NTM: variants seen among roughly 807,000 people sequenced by gnomAD.
The protein encoded by NTM is IgLON family member 2.
Under a neutral mutation model 42.1 loss-of-function variants are expected in NTM, and 13 were observed. The observed-to-expected ratio is 0.31, with a 90% confidence interval of 0.20 to 0.49. NTM has a LOEUF of 0.49. NTM is among the 20% of genes least tolerant of loss of function. The pLI is 0.99. For synonymous variants in NTM, 187 were observed against 179.2 expected, an observed-to-expected ratio of 1.04 and a Z score of -0.35; for missense variants, 373 against 452.8, an observed-to-expected ratio of 0.82 and a Z score of 1.60.
At chr11:131,807,656 T>C (rs188799448) in intron 1 of NTM, among the ~76,000 whole-genome samples, 361 of 152,272 alleles carry the variant, frequency 2.4e-3, no homozygotes, top group Non-Finnish European at 4.2e-3. Flanking sequence ...ATGGTGGTTG[T>C]TGAAACAAAG....
At chr11:131,520,562 T>C (rs1039542737) in intron 1 of NTM, among the ~76,000 whole-genome samples, 9 of 152,174 alleles carry the variant, frequency 5.9e-5, no homozygotes, top group African/African-American at 2.2e-4. Context: ...TCCTTAGATC[T>C]TGACCCTTTC....
chr11:131,836,450 G>C (rs2043506510), intron 1 of NTM, among the ~76,000 whole-genome samples: 1 of 152,154 alleles, frequency 6.6e-6, no homozygotes, highest in African/African-American at 2.4e-5. Flanking sequence ...ACAGTGCTTG[G>C]AACACTGTAT....
At chr11:132,303,958 T>C (rs2094972149) in intron 4 of NTM, among the ~76,000 whole-genome samples, 1 of 152,142 alleles carries the variant, frequency 6.6e-6, no homozygotes. Flanking sequence ...GATGAAGATA[T>C]GGTGGTACAG....
chr11:131,552,878 A>G (rs2054898962), intron 1 of NTM, among the ~76,000 whole-genome samples: 1 of 152,208 alleles, frequency 6.6e-6, no homozygotes, highest in South Asian at 2.1e-4. Flanking sequence ...CATAGAATGA[A>G]GACAGAGGTT....
intron 4 of NTM, among the ~76,000 whole-genome samples, chr11:132,223,421 C>G (rs3099765): frequency 0.64 from 97,507 of 151,986 alleles, 31,535 homozygotes; most frequent in Middle Eastern, 0.77. Flanking sequence ...TCATAAAAGG[C>G]GGACTGACAT....
chr11:131,375,047 T>G (rs1260416044), intron 1 of NTM, among the ~76,000 whole-genome samples: 2 of 152,324 alleles, frequency 1.3e-5, no homozygotes, highest in Middle Eastern at 3.4e-3. Context: ...GCAGCAGAGA[T>G]CCTACAAATG....
chr11:132,008,663 C>T (rs1240041980), intron 2 of NTM, among the ~76,000 whole-genome samples: 3 of 151,944 alleles, frequency 2.0e-5, no homozygotes, highest in Non-Finnish European at 4.4e-5. Flanking sequence ...CCATTTCCCC[C>T]TGAAAACATG....
intron 1 of NTM, among the ~76,000 whole-genome samples, chr11:131,767,706 AGAAACAAATTTGG>A (rs1210290042): frequency 6.6e-6 from 1 of 152,232 alleles, no homozygotes; most frequent in Non-Finnish European, 1.5e-5. Context: ...CAGAACTGTG[AGAAACAAATTTGG>A]GAAACAAATT....
intron 1 of NTM, among the ~76,000 whole-genome samples, chr11:131,442,180 G>T (rs1464784138): frequency 6.6e-6 from 1 of 152,188 alleles, no homozygotes; most frequent in Non-Finnish European, 1.5e-5. Context: ...ATGACATGTG[G>T]CATGGGAACC....
chr11:131,873,492 A>G (rs1271809371), intron 1 of NTM, among the ~76,000 whole-genome samples: 5 of 150,658 alleles, frequency 3.3e-5, no homozygotes, highest in Non-Finnish European at 7.4e-5. Flanking sequence ...GCAAACCTGC[A>G]CGTTCTGCAC....
intron 1 of NTM, among the ~76,000 whole-genome samples, chr11:131,816,477 A>G (rs2092955134): frequency 6.6e-6 from 1 of 152,046 alleles, no homozygotes; most frequent in East Asian, 1.9e-4. Flanking sequence ...CTTTGTTAAT[A>G]GAGATTACAG....
At chr11:131,658,610 T>C (rs1193265615) in intron 1 of NTM, among the ~76,000 whole-genome samples, 1 of 152,222 alleles carries the variant, frequency 6.6e-6, no homozygotes, top group Non-Finnish European at 1.5e-5. Context: ...TAGAGGTTCC[T>C]GGTCTGCGGA....
chr11:131,820,099 C>T (rs1000578021), intron 1 of NTM, among the ~76,000 whole-genome samples: 2 of 152,140 alleles, frequency 1.3e-5, no homozygotes, highest in African/African-American at 4.8e-5. Context: ...GCTTGAAGCC[C>T]GCTGAGAGAA....
chr11:131,525,637 T>A (rs1370190617), intron 1 of NTM, among the ~76,000 whole-genome samples: 2 of 152,138 alleles, frequency 1.3e-5, no homozygotes, highest in African/African-American at 4.8e-5. Context: ...GAAAAGGTCA[T>A]CCGACTACAC....
At chr11:132,186,988 A>G (rs1190887940) in intron 3 of NTM, among the ~76,000 whole-genome samples, 1 of 151,944 alleles carries the variant, frequency 6.6e-6, no homozygotes, top group Non-Finnish European at 1.5e-5. Context: ...CATTCCCTTG[A>G]CTCCGTGTCT....
At chr11:131,873,087 CA>C (rs1186079247) in intron 1 of NTM, among the ~76,000 whole-genome samples, 16 of 152,106 alleles carry the variant, frequency 1.1e-4, no homozygotes, top group Admixed American at 1.3e-4. Context: ...GCACCATTTA[CA>C]ATAGCAAAGA....
At chr11:131,760,529 A>G (rs2083991084) in intron 1 of NTM, among the ~76,000 whole-genome samples, 2 of 152,150 alleles carry the variant, frequency 1.3e-5, no homozygotes. Flanking sequence ...GGAGTCCTTA[A>G]AACATCTGTT....
At chr11:131,460,355 T>C (rs79933026) in intron 1 of NTM, among the ~76,000 whole-genome samples, 9,247 of 152,242 alleles carry the variant, frequency 0.061, 653 homozygotes, top group East Asian at 0.22. Context: ...ATAAATGAAG[T>C]AATAGGATTA....
chr11:132,068,627 A>G (rs1024791175), intron 2 of NTM, among the ~76,000 whole-genome samples: 1 of 152,262 alleles, frequency 6.6e-6, no homozygotes, highest in Non-Finnish European at 1.5e-5. Flanking sequence ...TCTTCTAGCA[A>G]TAACTCACTT....
Sources: allele counts gnomAD v4.1 joint callset (sites outside exome capture counted in the v4.1 genomes callset), GRCh38; gene constraint gnomAD v4.1.1; transcripts MANE v1.5; gene names NCBI Gene and HGNC (gene_info 2026-07-23, HGNC 2026-07-21).